Variants in ZCWPW1 observed in about 807,000 individuals in gnomAD.
ZCWPW1 encodes the protein zinc finger CW-type and PWWP domain containing 1, also known as zinc finger CW-type PWWP domain protein 1.
Under a neutral mutation model 81.3 loss-of-function variants are expected in ZCWPW1, and 56 were observed. The observed-to-expected ratio is 0.69, with a 90% CI of 0.56 to 0.86. The LOEUF (loss-of-function observed/expected upper bound fraction) is 0.86. Ranked by LOEUF, ZCWPW1 falls within the 40% of genes least tolerant of loss-of-function variation. The probability of loss-of-function intolerance (pLI) is 0.00; values close to 1 mark genes in which losing one functional copy is unlikely to be tolerated. For missense variants in ZCWPW1, 650 were observed against 769.8 expected, an observed-to-expected ratio of 0.84 and a Z score of 1.84; for synonymous variants, 250 against 273.7, an observed-to-expected ratio of 0.91 and a Z score of 0.86.
Position 100,409,421 on chromosome 7 carries a change from T to C in ZCWPW1, c.871+7A>G. The C allele has an allele frequency of 6.3e-7, 1 of 1,599,874 alleles. No homozygotes were observed. The highest frequency in any genetic ancestry group is 8.6e-7 in the Non-Finnish European group (1 of 1,168,702). ...ACATGAATGAAAACATTTCCAGTCT[T>C]TTCTACCTGTGTTCTGATCACAGGA... On this transcript the variant is annotated splice_region_variant and intron_variant, in intron 9 of 17. Transcript: ENST00000684423.
chr7:100,422,785 T>C (rs1331677622), intron 2 of ZCWPW1, among the ~76,000 whole-genome samples: 1 of 152,202 alleles, frequency 6.6e-6, no homozygotes, highest in East Asian at 1.9e-4. Flanking sequence ...TTTGTGTCCA[T>C]GTGTATGCAA....
chr7:100,420,010 G>A, intron 3 of ZCWPW1, 127 bp from the exon 4 acceptor site: 1 of 740,746 alleles, frequency 1.3e-6, no homozygotes, highest in South Asian at 2.1e-5. Flanking sequence ...AGATTCCTGG[G>A]TCTCTCACTG....
chr7:100,428,141 A>C (rs1442208708), intron 1 of ZCWPW1, among the ~76,000 whole-genome samples: 1 of 152,102 alleles, frequency 6.6e-6, no homozygotes, highest in Non-Finnish European at 1.5e-5. Flanking sequence ...CTACAACCAG[A>C]AACTAGCTGG....
chr7:100,410,486 T>G lies in ZCWPW1; in HGVS notation c.755-942A>C, dbSNP rs372472355. Among the ~76,000 whole-genome samples the G allele has an allele frequency of 1.2e-4, 19 of 152,308 alleles. No individual in the cohort carries two copies. In the South Asian group the frequency reaches 3.7e-3, roughly 30 times the overall value. ...CAACTCTTATAAAAACTTCCTCCCT[T>G]GAGGTCTATGCCATGGGACTATCCT... On this transcript the variant is annotated intron_variant, in intron 8 of 17. Coordinates refer to ENST00000684423, the MANE Select transcript of ZCWPW1 (RefSeq NM_001386010.1).
intron 8 of ZCWPW1, among the ~76,000 whole-genome samples, chr7:100,412,497 C>A (rs1794372481): frequency 6.6e-6 from 1 of 152,206 alleles, no homozygotes; most frequent in South Asian, 2.1e-4. Flanking sequence ...TTACCAACTT[C>A]TAACAATTTT....
In ZCWPW1 at chr7:100,405,106, A is replaced by T. The variant is rs973711267; in HGVS notation, c.1174-13T>A. ...TTCTGCGCTTTTTCTGAAATAGAAG[A>T]TTAGAGCCAATGATAAATATTGACT... On this transcript the variant is annotated splice_polypyrimidine_tract_variant and intron_variant, in intron 12 of 17. Transcript: ENST00000684423. The T allele has an allele frequency of 1.2e-6, 2 of 1,609,976 alleles. No homozygotes were observed. The highest frequency in any genetic ancestry group is 1.7e-6 in the Non-Finnish European group (2 of 1,178,386).
intron 8 of ZCWPW1, among the ~76,000 whole-genome samples, chr7:100,413,780 C>CG (rs1794670906): frequency 6.6e-6 from 1 of 151,846 alleles, no homozygotes; most frequent in Non-Finnish European, 1.5e-5. Context: ...TTTATAGAGA[C>CG]GGGGGTCTCA....
At chr7:100,426,342 A>T (rs1797324719) in intron 1 of ZCWPW1, among the ~76,000 whole-genome samples, 1 of 152,032 alleles carries the variant, frequency 6.6e-6, no homozygotes, top group South Asian at 2.1e-4. Flanking sequence ...AAAATACAAA[A>T]ATTAGCCAGC....
intron 2 of ZCWPW1, among the ~76,000 whole-genome samples, chr7:100,421,080 G>A (rs562627010): frequency 6.6e-6 from 1 of 152,342 alleles, no homozygotes; most frequent in East Asian, 1.9e-4. Flanking sequence ...AGCCCAGGAG[G>A]CGGAGGCTGC....
intron 2 of ZCWPW1, among the ~76,000 whole-genome samples, chr7:100,421,429 A>G (rs1410056397): frequency 6.6e-6 from 1 of 152,230 alleles, no homozygotes; most frequent in Non-Finnish European, 1.5e-5. Flanking sequence ...CTCTGTGCAT[A>G]GAGAAGCCCC....
chr7:100,427,859 A>G (rs978960389), intron 1 of ZCWPW1, among the ~76,000 whole-genome samples: 1 of 151,580 alleles, frequency 6.6e-6, no homozygotes, highest in African/African-American at 2.4e-5. Flanking sequence ...GGTGTCCCTG[A>G]GCCACACGTC....
At position 100,401,097 on chromosome 7, in the gene ZCWPW1, C is replaced by T. The variant is rs202051814; in HGVS notation, c.1867G>A (p.Gly623Arg). 981 of 1,614,230 alleles carry T rather than the reference C, an allele frequency of 6.1e-4. No individual in the cohort carries two copies. The highest frequency in any genetic ancestry group is 9.8e-4 in the South Asian group (89 of 91,082). Residue 623 changes from glycine (G) to arginine (R), a missense_variant, in exon 18 of 18, where the codon GGG becomes AGG. Physicochemically the swap from Gly to Arg is moderately radical, Grantham distance 125 (BLOSUM62 -2). Coordinates refer to ENST00000684423, the MANE Select transcript of ZCWPW1 (RefSeq NM_001386010.1). ...TCCCCGCTCTGCCCCAGCTCTCTCCCAACATCTTCCATGAGTTGCTCCAGG... is the reference window on the plus strand; with the variant it reads ...TCCCCGCTCTGCCCCAGCTCTCTCCTAACATCTTCCATGAGTTGCTCCAGG... ...LDLEQLMEDV[G>R]RELGQSGELQ...
At chr7:100,419,422 C>T (rs1327910529) in intron 4 of ZCWPW1, among the ~76,000 whole-genome samples, 1 of 152,060 alleles carries the variant, frequency 6.6e-6, no homozygotes, top group Non-Finnish European at 1.5e-5. Context: ...ACCTCTAACC[C>T]ACCTCATCCC....
chr7:100,404,099 T>C, intron 14 of ZCWPW1, 79 bp downstream of exon 14: 1 of 1,444,354 alleles, frequency 6.9e-7, no homozygotes, highest in Non-Finnish European at 9.6e-7. Flanking sequence ...GAATATAAAA[T>C]AAAGAAAAAC....
chr7:100,415,732 C>A (rs1795096461), intron 8 of ZCWPW1, among the ~76,000 whole-genome samples: 2 of 152,214 alleles, frequency 1.3e-5, no homozygotes, highest in South Asian at 4.1e-4. Flanking sequence ...CTTACCACAT[C>A]TTCATTTTCT....
At chr7:100,428,539 C>T (rs1798204285) in intron 1 of ZCWPW1, 29 bp downstream of exon 1, 1 of 152,902 alleles carries the variant, frequency 6.5e-6, no homozygotes. Context: ...AATTCCTCCT[C>T]TTCCTGCTGG....
At chr7:100,413,166 C>T (rs1794568063) in intron 8 of ZCWPW1, among the ~76,000 whole-genome samples, 1 of 152,206 alleles carries the variant, frequency 6.6e-6, no homozygotes, top group Non-Finnish European at 1.5e-5. Flanking sequence ...CCTTTTAAAA[C>T]ATTAATGTGA....
chr7:100,419,059 G>A (rs758696118), intron 5 of ZCWPW1, 52 bp downstream of exon 5: 24 of 1,470,718 alleles, frequency 1.6e-5, no homozygotes, highest in Non-Finnish European at 2.2e-5. Flanking sequence ...CTCCCTCTCA[G>A]GTAACAGTCA....
At chr7:100,422,514 T>C (rs1170995196) in intron 2 of ZCWPW1, among the ~76,000 whole-genome samples, 1 of 152,216 alleles carries the variant, frequency 6.6e-6, no homozygotes, top group Non-Finnish European at 1.5e-5. Context: ...CCAGTATTTT[T>C]ATTTTCCAAT....
Sources: gnomAD v4.1 joint callset for allele counts (sites outside exome capture counted in the v4.1 genomes callset) on GRCh38, gnomAD v4.1.1 for gene constraint, MANE v1.5 for transcripts, NCBI Gene and HGNC (gene_info 2026-07-23, HGNC 2026-07-21) for gene names.